The following CPXM2 variants were observed in gnomAD, a reference collection of about 807,000 sequenced individuals.
CPXM2 encodes inactive carboxypeptidase-like protein X2.
Under a neutral mutation model 86.1 loss-of-function variants are expected in CPXM2, and 66 were observed. The ratio of observed to expected loss-of-function variants is 0.77; its 90% CI spans 0.63 to 0.94. CPXM2 has a LOEUF of 0.94. CPXM2 is among the 40% of genes least tolerant of loss of function. The pLI, the probability that CPXM2 is intolerant of heterozygous loss-of-function variation, is 0.00. For synonymous variants in CPXM2, 388 were observed against 400.2 expected (o/e 0.97, Z 0.36); for missense variants, 948 against 1,026.3 (o/e 0.92, Z 1.04).
At chr10:123,771,118 A>G (rs905246203) in intron 7 of CPXM2, 79 bp from the exon 8 acceptor site, 46 of 1,397,466 alleles carry the variant, frequency 3.3e-5, no homozygotes, top group Non-Finnish European at 4.4e-5. Flanking sequence ...GAAAACGGAC[A>G]CCTCTTGCTT....
chr10:123,938,229 AGATCCT>A (rs1430645913), intron 2 of CPXM2, among the ~76,000 whole-genome samples: 2 of 152,202 alleles, frequency 1.3e-5, no homozygotes, highest in Non-Finnish European at 2.9e-5. Context: ...GAGGGGCCTG[AGATCCT>A]GACAATTCTG....
intron 6 of CPXM2, among the ~76,000 whole-genome samples, chr10:123,792,868 G>A (rs913384381): frequency 6.6e-6 from 1 of 152,168 alleles, no homozygotes; most frequent in African/African-American, 2.4e-5. Context: ...AGCACCCAGA[G>A]CCACCGGCAG....
At chr10:123,788,498 A>G (rs559212271) in intron 6 of CPXM2, among the ~76,000 whole-genome samples, 2 of 152,266 alleles carry the variant, frequency 1.3e-5, no homozygotes, top group African/African-American at 4.8e-5. Flanking sequence ...TCACCAGCCC[A>G]ATCAACCAGT....
chr10:123,811,420 T>C (rs1274598186), intron 4 of CPXM2, among the ~76,000 whole-genome samples: 1 of 152,172 alleles, frequency 6.6e-6, no homozygotes, highest in Non-Finnish European at 1.5e-5. Context: ...GTCCTTGCAA[T>C]AGTTTGCAGA....
intron 7 of CPXM2, chr10:123,776,529 C>G (rs1362915415): frequency 1.3e-5 from 2 of 152,216 alleles, no homozygotes; most frequent in African/African-American, 4.8e-5. Context: ...ATGTTTCATA[C>G]TTTGTCAGTA....
intron 6 of CPXM2, among the ~76,000 whole-genome samples, chr10:123,781,095 C>G (rs907221516): frequency 7.2e-5 from 11 of 152,212 alleles, no homozygotes; most frequent in African/African-American, 2.7e-4. Context: ...AATCAACCAA[C>G]CCCAGAGCCC....
chr10:123,818,735 G>A (rs926068453), intron 4 of CPXM2, among the ~76,000 whole-genome samples: 8 of 152,184 alleles, frequency 5.3e-5, no homozygotes, highest in African/African-American at 1.9e-4. Flanking sequence ...TTGATAGAAT[G>A]GTGGAATGGC....
At chr10:123,921,924 G>A (rs1945582239) in intron 2 of CPXM2, among the ~76,000 whole-genome samples, 1 of 151,992 alleles carries the variant, frequency 6.6e-6, no homozygotes, top group Non-Finnish European at 1.5e-5. Context: ...TGTAATGTGT[G>A]ATGCCTGATG....
intron 4 of CPXM2, among the ~76,000 whole-genome samples, chr10:123,834,225 A>G (rs926437555): frequency 6.6e-6 from 1 of 152,174 alleles, no homozygotes; most frequent in Non-Finnish European, 1.5e-5. Context: ...GTTTCCTCCC[A>G]GTGCTTTCTG....
chr10:123,784,521 G>A (rs111588168), intron 6 of CPXM2, among the ~76,000 whole-genome samples: 5 of 152,256 alleles, frequency 3.3e-5, no homozygotes, highest in South Asian at 2.1e-4. Context: ...ACAGATGGCC[G>A]CTGCCCCATA....
chr10:123,880,145 T>TGGGGCCCCCCCCCCCCCCCCCC, intron 2 of CPXM2, 66 bp downstream of exon 2: 1 of 407,580 alleles, frequency 2.5e-6, no homozygotes, highest in Non-Finnish European at 4.8e-6. Flanking sequence ...CAGGGGCCTG[T>TGGGGCCCCCCCCCCCCCCCCCC]ACCCACCCAC....
intron 11 of CPXM2, among the ~76,000 whole-genome samples, chr10:123,759,231 A>T (rs1307758930): frequency 6.6e-6 from 1 of 152,218 alleles, no homozygotes; most frequent in African/African-American, 2.4e-5. Context: ...AGACAGTGCA[A>T]GAAGGCCAGG....
intron 4 of CPXM2, among the ~76,000 whole-genome samples, chr10:123,810,298 G>A (rs1847663566): frequency 6.6e-6 from 1 of 151,772 alleles, no homozygotes. Flanking sequence ...AAATCCATCA[G>A]CATAGAAGAG....
rs532954173 is a variant in CPXM2 at position 123,803,118 on chromosome 10, C to CT, written c.654-3920dup. ...TCCTTTTCATCCTCTTTGTAGTACC[C>CT]TTTTTTTTTTTTTTTTTTTTTTTTT... is the stretch of plus-strand genomic sequence containing the variant. On this transcript the variant is annotated intron_variant, in intron 4 of 13. Transcript: ENST00000241305. Among the ~76,000 whole-genome samples, 203 of 63,620 alleles carry CT rather than the reference C, an allele frequency of 3.2e-3. 8 individuals are homozygous for CT. The highest frequency in any genetic ancestry group is 9.8e-3 in the African/African-American group (176 of 17,958). 41.7% of individuals were successfully genotyped at this position (63,620 alleles called of 152,430 possible). A position where few individuals can be genotyped will look rare whatever the true frequency, so the allele number is the denominator to read the frequency against.
intron 6 of CPXM2, among the ~76,000 whole-genome samples, chr10:123,783,288 AT>A (rs1446543840): frequency 6.6e-6 from 1 of 152,194 alleles, no homozygotes; most frequent in Non-Finnish European, 1.5e-5. Flanking sequence ...TACTCTATGG[AT>A]TCATCTTGAA....
At chr10:123,873,858 T>A (rs1051427540) in intron 2 of CPXM2, among the ~76,000 whole-genome samples, 2 of 59,070 alleles carry the variant, frequency 3.4e-5, no homozygotes, top group African/African-American at 1.7e-4. Context: ...TCACATTTCT[T>A]TTTTTTTTTT....
At chr10:123,852,943 T>G (rs1483088214) in intron 3 of CPXM2, among the ~76,000 whole-genome samples, 1 of 152,218 alleles carries the variant, frequency 6.6e-6, no homozygotes, top group Non-Finnish European at 1.5e-5. Flanking sequence ...CACTATGATT[T>G]GTTACATTTC....
intron 2 of CPXM2, among the ~76,000 whole-genome samples, chr10:123,936,565 C>G (rs1945722580): frequency 6.6e-6 from 1 of 152,128 alleles, no homozygotes; most frequent in Non-Finnish European, 1.5e-5. Flanking sequence ...CATGATGCAT[C>G]CAAACCAAAG....
At chr10:123,750,977 T>C (rs1002039222) in intron 13 of CPXM2, 2 of 985,338 alleles carry the variant, frequency 2.0e-6, no homozygotes, top group Admixed American at 1.2e-4. Context: ...GTTGGGCTGT[T>C]GTCCCCATGA....
Sources: gnomAD v4.1 joint callset for allele counts (sites outside exome capture counted in the v4.1 genomes callset) on GRCh38, gnomAD v4.1.1 for gene constraint, MANE v1.5 for transcripts, NCBI Gene and HGNC (gene_info 2026-07-23, HGNC 2026-07-21) for gene names.